Variants in SYCP2L observed in about 807,000 individuals in gnomAD.
The protein encoded by SYCP2L is synaptonemal complex protein 2 like, also known as synaptonemal complex protein 2-like.
SYCP2L carries 98 observed loss-of-function variants against 125.8 expected under a neutral mutation model. The ratio of observed to expected loss-of-function variants is 0.78; its 90% CI spans 0.66 to 0.92. The LOEUF (loss-of-function observed/expected upper bound fraction) is 0.92, where lower values mean the gene tolerates loss of function less well. SYCP2L is among the 40% of genes least tolerant of loss of function. SYCP2L has a pLI of 0.00. For missense variants in SYCP2L, 842 were observed against 936.4 expected (o/e 0.90, Z 1.32); for synonymous variants, 317 against 325.4 (o/e 0.97, Z 0.28).
Position 10,903,560 on chromosome 6 carries a change from T to G in SYCP2L, c.641+597T>G, listed in dbSNP as rs371345231. 5.8e-4 allele frequency among the ~76,000 whole-genome samples: 87 copies of G among 150,484 alleles called. 2 individuals are homozygous for G. The East Asian group carries it at 0.011, about 19-fold the overall frequency. On this transcript the variant is annotated intron_variant, in intron 8 of 29. Coordinates refer to ENST00000283141, the MANE Select transcript of SYCP2L (RefSeq NM_001040274.3). The stretch of plus-strand genomic sequence containing the variant: ...GTGAGACTCTGTCTTAAAATAATAA[T>G]AATAAAAAAAGAAACTCTATCTCTA...
chr6:10,888,827 A>G (rs1056758611), intron 1 of SYCP2L, among the ~76,000 whole-genome samples: 1 of 152,202 alleles, frequency 6.6e-6, no homozygotes. Flanking sequence ...GATACGTAGC[A>G]TAGTGTTTAT....
intron 1 of SYCP2L, among the ~76,000 whole-genome samples, chr6:10,891,009 G>A (rs1054540208): frequency 6.6e-6 from 1 of 152,104 alleles, no homozygotes; most frequent in African/African-American, 2.4e-5. Flanking sequence ...TTTATTTTGG[G>A]TTTATCTATT....
chr6:10,958,584 T>C (rs1287000120), intron 25 of SYCP2L, among the ~76,000 whole-genome samples, 200 bp from the exon 26 acceptor site: 1 of 152,166 alleles, frequency 6.6e-6, no homozygotes, highest in Non-Finnish European at 1.5e-5. Context: ...ATTTTTCTAT[T>C]TCAACTTGTT....
chr6:10,927,195 G>T, intron 16 of SYCP2L, 45 bp from the exon 17 acceptor site: 1 of 1,608,616 alleles, frequency 6.2e-7, no homozygotes, highest in Non-Finnish European at 8.5e-7. Flanking sequence ...GAGTATGTCA[G>T]CGTGTGCACG....
chr6:10,901,916 T>C (rs1581818039), intron 6 of SYCP2L, among the ~76,000 whole-genome samples: 1 of 152,220 alleles, frequency 6.6e-6, no homozygotes, highest in Non-Finnish European at 1.5e-5. Context: ...TAGTCTTTGC[T>C]CTCAATGTGG....
intron 28 of SYCP2L, among the ~76,000 whole-genome samples, chr6:10,962,207 T>C (rs796885880): frequency 1.5e-4 from 22 of 149,624 alleles, no homozygotes; most frequent in East Asian, 9.6e-4. Flanking sequence ...TATCTTCCAA[T>C]TGAGAATCAG....
intron 21 of SYCP2L, among the ~76,000 whole-genome samples, chr6:10,939,108 A>T (rs1314023042): frequency 6.6e-6 from 1 of 151,662 alleles, no homozygotes; most frequent in African/African-American, 2.4e-5. Flanking sequence ...TGACACAACG[A>T]GACTCCATCT....
Position 10,898,150 on chromosome 6 carries a change from C to A in SYCP2L, c.441+35C>A, listed in dbSNP as rs767590742. The A allele has an allele frequency of 1.3e-5, 19 of 1,426,864 alleles. No homozygotes were observed. In the South Asian group the frequency reaches 2.0e-4, roughly 15 times the overall value. The allele number at this position is 1,426,864 out of a possible 1,614,324, so 88.4% of individuals were successfully genotyped here. On this transcript the variant is annotated intron_variant, in intron 5 of 29. Coordinates refer to ENST00000283141, the MANE Select transcript of SYCP2L (RefSeq NM_001040274.3). ...GGATGGATGCTTCACTGAGCAGATG[C>A]CATTGGTAATTGGCAGGAATCTTCA...
intron 10 of SYCP2L, 91 bp downstream of exon 10, chr6:10,907,775 T>C: frequency 2.9e-6 from 4 of 1,387,860 alleles, no homozygotes; most frequent in African/African-American, 1.4e-5. Context: ...TACGGGAGGA[T>C]TTTTTTGCTT....
intron 21 of SYCP2L, 82 bp downstream of exon 21, chr6:10,935,269 T>C (rs1781072603): frequency 7.5e-7 from 1 of 1,339,944 alleles, no homozygotes; most frequent in East Asian, 2.5e-5. Flanking sequence ...CATTTTTATT[T>C]TAATATCTAT....
At position 10,964,693 on chromosome 6, in the gene SYCP2L, G is replaced by T. The variant is rs188152822; in HGVS notation, c.*37+850G>T. ...GTTTAATGGAGGCAACCCATTAAAA[G>T]ATACATTTTTTGAAGGAAGATAGAA... On this transcript the variant is annotated intron_variant, in intron 29 of 29. Transcript: ENST00000283141. 2.4e-3 allele frequency among the ~76,000 whole-genome samples: 361 copies of T among 152,240 alleles called. 3 individuals are homozygous for T. Among genetic ancestry groups the T allele is most frequent in the African/African-American group, 8.3e-3 (346 of 41,546 alleles).
rs1288039125 is a variant in SYCP2L, at chr6:10,962,242, C to G, written c.2414+684C>G. 8.3e-5 allele frequency among the ~76,000 whole-genome samples: 9 copies of G among 108,036 alleles called. No homozygotes were observed. In the Admixed American group the frequency reaches 8.4e-4, roughly 10 times the overall value. The allele number at this position is 108,036 out of a possible 152,430, so 70.9% of individuals were successfully genotyped here. A position where few individuals can be genotyped will look rare whatever the true frequency, so the allele number is the denominator to read the frequency against. On this transcript the variant is annotated intron_variant, in intron 28 of 29. Coordinates refer to ENST00000283141, the MANE Select transcript of SYCP2L (RefSeq NM_001040274.3). Reference sequence around the variant, plus strand: ...GCTGCTTTCACAGAAATTTAAGGCACATGGTTTTAGGAAGGATATTCTTCC... The same window carrying G: ...GCTGCTTTCACAGAAATTTAAGGCAGATGGTTTTAGGAAGGATATTCTTCC...
chr6:10,940,314 A>G (rs1450933884), intron 21 of SYCP2L, among the ~76,000 whole-genome samples: 1 of 152,192 alleles, frequency 6.6e-6, no homozygotes, highest in Non-Finnish European at 1.5e-5. Context: ...GAATCCATCA[A>G]TCCCACTTCC....
intron 14 of SYCP2L, among the ~76,000 whole-genome samples, chr6:10,923,635 C>T (rs146261609): frequency 1.7e-3 from 251 of 150,774 alleles, no homozygotes; most frequent in African/African-American, 5.7e-3. Flanking sequence ...GCACCCGCCT[C>T]GGCCTCCCAA....
chr6:10,953,733 C>G (rs1282873715), intron 23 of SYCP2L, among the ~76,000 whole-genome samples: 2 of 152,228 alleles, frequency 1.3e-5, no homozygotes, highest in Non-Finnish European at 1.5e-5. Flanking sequence ...CCTGCCCTCA[C>G]TGGGCCTTAC....
At chr6:10,895,596 T>C (rs1316321342) in intron 4 of SYCP2L, among the ~76,000 whole-genome samples, 1 of 149,166 alleles carries the variant, frequency 6.7e-6, no homozygotes, top group African/African-American at 2.4e-5. Context: ...TGCCTGGGCA[T>C]CTAACAAAGG....
chr6:10,964,897 C>T (rs926379068), intron 29 of SYCP2L, among the ~76,000 whole-genome samples: 6 of 152,082 alleles, frequency 3.9e-5, no homozygotes, highest in African/African-American at 9.7e-5. Flanking sequence ...TTTAAAGTAA[C>T]AGGGTCAGGT....
At position 10,902,932 on chromosome 6, in the gene SYCP2L, T is replaced by C. The variant is rs1402619605; in HGVS notation, c.610T>C (p.Phe204Leu). 1.9e-6 allele frequency: 3 copies of C among 1,614,176 alleles called. No individual in the cohort carries two copies. The highest frequency in any genetic ancestry group is 3.3e-5 in the Admixed American group (2 of 60,028). Residue 204 changes from phenylalanine to leucine, a missense_variant, in exon 8 of 30, where the codon TTC becomes CTC. Transcript: ENST00000283141. ...HAVPREERKK[F>L]PLSEGMCHLM... ...TGTCCCTCGAGAAGAGAGAAAAAAA[T>C]TCCCTTTGTCAGAAGGCATGTGTCA...
intron 4 of SYCP2L, among the ~76,000 whole-genome samples, chr6:10,895,204 A>G (rs1020233463): frequency 6.6e-6 from 1 of 152,220 alleles, no homozygotes; most frequent in African/African-American, 2.4e-5. Flanking sequence ...TAAAAATCTC[A>G]AAGGAAATGA....
Sources: gnomAD v4.1 joint callset for allele counts (sites outside exome capture counted in the v4.1 genomes callset) on GRCh38, gnomAD v4.1.1 for gene constraint, MANE v1.5 for transcripts, NCBI Gene and HGNC (gene_info 2026-07-23, HGNC 2026-07-21) for gene names.